The following SPATA16 variants were observed in gnomAD, a reference collection of about 807,000 sequenced individuals.
SPATA16 encodes spermatogenesis-associated protein 16.
Under a neutral mutation model 63.3 loss-of-function variants are expected in SPATA16, and 36 were observed. The ratio of observed to expected loss-of-function variants is 0.57; its 90% CI spans 0.44 to 0.75. The LOEUF (loss-of-function observed/expected upper bound fraction) is 0.75. Ranked by LOEUF, SPATA16 falls within the 30% of genes least tolerant of loss-of-function variation. The pLI, the probability that SPATA16 is intolerant of heterozygous loss-of-function variation, is 0.00. For synonymous variants in SPATA16, 203 were observed against 216.7 expected (o/e 0.94, Z 0.56); for missense variants, 646 against 679.3 (o/e 0.95, Z 0.54).
At chr3:173,085,216 A>T (rs1737022322) in intron 2 of SPATA16, among the ~76,000 whole-genome samples, 1 of 152,046 alleles carries the variant, frequency 6.6e-6, no homozygotes, top group Non-Finnish European at 1.5e-5. Context: ...TTCTCCTTGA[A>T]GAGGTCCTTC....
chr3:172,916,462 G>A lies in SPATA16; in HGVS notation c.1358C>T (p.Ser453Leu). The part of the protein sequence containing the change: ...TQLNGSFPAS[S>L]GVMEKLQYAS... ...ATATTGCAACTTCTCCATCACACCT[G>A]AGGATGCAGGAAAACTCCCCTAGTC... Residue 453 changes from serine (S) to leucine (L), a missense_variant, in exon 9 of 11, where the codon TCA becomes TTA. By Grantham distance (145) the Ser-to-Leu change is moderately radical. Transcript: ENST00000351008. 3.1e-6 allele frequency: 5 copies of A among 1,613,686 alleles called. No homozygotes were observed. The highest frequency in any genetic ancestry group is 1.1e-5 in the South Asian group (1 of 91,078).
intron 3 of SPATA16, 81 bp downstream of exon 3, chr3:173,048,868 G>A: frequency 1.3e-6 from 2 of 1,522,492 alleles, no homozygotes; most frequent in Admixed American, 1.7e-5. Flanking sequence ...AAATAAGATG[G>A]AAGGTGATCA....
At chr3:173,111,141 G>A (rs114372301) in intron 2 of SPATA16, among the ~76,000 whole-genome samples, 2,244 of 152,234 alleles carry the variant, frequency 0.015, 58 homozygotes, top group African/African-American at 0.05. Context: ...AATTTTTTTA[G>A]AGCATCAGTT....
intron 3 of SPATA16, among the ~76,000 whole-genome samples, chr3:173,022,613 C>T (rs1050849839): frequency 3.3e-5 from 5 of 151,940 alleles, no homozygotes; most frequent in Non-Finnish European, 5.9e-5. Flanking sequence ...TATTTTATGT[C>T]GTGTGCAACT....
chr3:172,904,240 CATT>C (rs1321986533), intron 10 of SPATA16, among the ~76,000 whole-genome samples: 24 of 152,302 alleles, frequency 1.6e-4, no homozygotes, highest in African/African-American at 5.8e-4. Context: ...CTGTCATCAT[CATT>C]ATCAGTTACT....
chr3:173,010,575 A>C (rs1735048286), intron 4 of SPATA16, among the ~76,000 whole-genome samples: 1 of 152,054 alleles, frequency 6.6e-6, no homozygotes, highest in Non-Finnish European at 1.5e-5. Flanking sequence ...TGGAGAGGGA[A>C]CAGAAAGCCT....
intron 6 of SPATA16, among the ~76,000 whole-genome samples, chr3:172,942,180 A>G (rs1733166449): frequency 6.6e-6 from 1 of 152,164 alleles, no homozygotes; most frequent in African/African-American, 2.4e-5. Flanking sequence ...AGAGATTTCC[A>G]TGTCTCAGGG....
intron 6 of SPATA16, among the ~76,000 whole-genome samples, chr3:172,947,569 G>A (rs1322843245): frequency 1.3e-5 from 2 of 152,240 alleles, no homozygotes; most frequent in East Asian, 1.9e-4. Flanking sequence ...AGGGGTAGAG[G>A]TGCTGATTAG....
chr3:172,991,212 G>C (rs961962216), intron 4 of SPATA16, among the ~76,000 whole-genome samples: 10 of 152,022 alleles, frequency 6.6e-5, no homozygotes, highest in African/African-American at 2.4e-4. Context: ...TCTCTCAGGG[G>C]AGATATTTCA....
intron 3 of SPATA16, among the ~76,000 whole-genome samples, chr3:173,041,387 T>C (rs925812324): frequency 6.6e-6 from 1 of 152,172 alleles, no homozygotes; most frequent in African/African-American, 2.4e-5. Context: ...TTCTCTTCAT[T>C]GAGCCTTTCT....
At chr3:173,087,058 G>A (rs1332545525) in intron 2 of SPATA16, among the ~76,000 whole-genome samples, 3 of 152,110 alleles carry the variant, frequency 2.0e-5, no homozygotes, top group Non-Finnish European at 4.4e-5. Context: ...TTTATCCAGA[G>A]CTGAGTTCAA....
intron 8 of SPATA16, among the ~76,000 whole-genome samples, chr3:172,922,216 AC>A (rs142787241): frequency 0.034 from 5,135 of 152,296 alleles, 276 homozygotes; most frequent in African/African-American, 0.12. Context: ...ATCCCTGGGC[AC>A]TTTCAGGCTT....
intron 2 of SPATA16, among the ~76,000 whole-genome samples, chr3:173,075,191 A>G (rs1560115099): frequency 6.6e-6 from 1 of 151,906 alleles, no homozygotes; most frequent in African/African-American, 2.4e-5. Context: ...AATAAAAAAG[A>G]TAACAATATA....
At chr3:172,997,106 T>TTTTTGTGTGGACATAG (rs1407687219) in intron 4 of SPATA16, among the ~76,000 whole-genome samples, 8 of 152,126 alleles carry the variant, frequency 5.3e-5, no homozygotes. Flanking sequence ...AGTGTGCAGG[T>TTTTTGTGTGGACATAG]TTTTGTGTGG....
intron 6 of SPATA16, among the ~76,000 whole-genome samples, chr3:172,931,987 T>C (rs901704647): frequency 6.6e-5 from 10 of 152,338 alleles, no homozygotes; most frequent in Admixed American, 2.0e-4. Flanking sequence ...TTTGGCTTAG[T>C]GCAACCAATG....
intron 2 of SPATA16, among the ~76,000 whole-genome samples, chr3:173,091,706 GA>G (rs1261546895): frequency 6.6e-6 from 1 of 152,074 alleles, no homozygotes; most frequent in Non-Finnish European, 1.5e-5. Flanking sequence ...CAAGAAGGTG[GA>G]AAAATGGTAT....
intron 10 of SPATA16, among the ~76,000 whole-genome samples, chr3:172,897,380 T>A (rs942097879): frequency 3.9e-5 from 6 of 152,134 alleles, no homozygotes; most frequent in African/African-American, 1.4e-4. Context: ...GTATTTCAAA[T>A]TTGAGAGTTT....
chr3:173,081,524 TA>T (rs1290557711), intron 2 of SPATA16, among the ~76,000 whole-genome samples: 1 of 152,138 alleles, frequency 6.6e-6, no homozygotes, highest in Admixed American at 6.5e-5. Context: ...ATTGAATCGT[TA>T]AAGAGGAGAG....
In SPATA16 at chr3:172,956,783, C is replaced by A. The variant is rs375612371; in HGVS notation, c.975G>T (p.Ser325=). The change falls in exon 6 of 11, where the codon TCG becomes TCT. Residue 325 remains serine (S), a synonymous_variant. Transcript: ENST00000351008. ...EEAITRAESF[S]VMYTPFATKI... ...TTGTCGCAAATGGTGTGTACATAAC[C>A]GAGAAAGATTCAGCTCTGGTGATGG... The A allele has an allele frequency of 6.2e-7, 1 of 1,613,192 alleles. No homozygotes were observed. Among genetic ancestry groups the A allele is most frequent in the Non-Finnish European group, 8.5e-7 (1 of 1,179,546 alleles).
Sources: gnomAD v4.1 joint callset for allele counts (sites outside exome capture counted in the v4.1 genomes callset) on GRCh38, gnomAD v4.1.1 for gene constraint, MANE v1.5 for transcripts, NCBI Gene and HGNC (gene_info 2026-07-23, HGNC 2026-07-21) for gene names.